Variants in CA10 observed in about 807,000 individuals in gnomAD.
CA10 encodes carbonic anhydrase 10 (inactive).
In CA10, 14 loss-of-function variants were observed where a neutral mutation model predicts 44.2. That is an observed-to-expected ratio of 0.32 (90% CI 0.21 to 0.50). The LOEUF (loss-of-function observed/expected upper bound fraction) is 0.50, where lower values mean the gene tolerates loss of function less well. Ranked by LOEUF, CA10 falls within the 20% of genes least tolerant of loss-of-function variation. The probability of loss-of-function intolerance (pLI) is 0.99; values close to 1 mark genes in which losing one functional copy is unlikely to be tolerated. For synonymous variants in CA10, 159 were observed against 141.6 expected, an observed-to-expected ratio of 1.12 and a Z score of -0.87; for missense variants, 350 against 409.7, an observed-to-expected ratio of 0.85 and a Z score of 1.26.
chr17:51,699,767 C>T (rs1410827868), intron 4 of CA10, among the ~76,000 whole-genome samples: 2 of 152,110 alleles, frequency 1.3e-5, no homozygotes, highest in Non-Finnish European at 1.5e-5. Flanking sequence ...AAAAATTCTC[C>T]CCAGCAGATG....
chr17:52,157,884 C>G lies in CA10; in HGVS notation c.-98G>C, dbSNP rs1989843243. The G allele has an allele frequency of 3.2e-6, 3 of 940,512 alleles. No homozygotes were observed. The Admixed American group carries it at 5.1e-5, about 16-fold the overall frequency. 58.3% of individuals were successfully genotyped at this position (940,512 alleles called of 1,614,324 possible). A position where few individuals can be genotyped will look rare whatever the true frequency, so the allele number is the denominator to read the frequency against. ...ACACATACACACTCGCACACACTTCCGAGCGAGTGCACACTCGCACTCCCA... is the reference window on the plus strand; with the variant it reads ...ACACATACACACTCGCACACACTTCGGAGCGAGTGCACACTCGCACTCCCA... On this transcript the variant is annotated 5_prime_UTR_variant, in exon 1 of 9. Coordinates refer to ENST00000451037, the MANE Select transcript of CA10 (RefSeq NM_020178.5).
chr17:51,916,772 A>G (rs542793566), intron 3 of CA10, among the ~76,000 whole-genome samples: 13 of 152,302 alleles, frequency 8.5e-5, no homozygotes, highest in African/African-American at 2.9e-4. Context: ...CATATAATCA[A>G]GCCTATGCTC....
intron 3 of CA10, among the ~76,000 whole-genome samples, chr17:51,791,421 G>A (rs1480698816): frequency 6.6e-6 from 1 of 152,180 alleles, no homozygotes; most frequent in Non-Finnish European, 1.5e-5. Flanking sequence ...AATGCAGAGT[G>A]CCTGGTGCAC....
At chr17:51,669,068 C>T (rs879863067) in intron 4 of CA10, among the ~76,000 whole-genome samples, 5 of 152,214 alleles carry the variant, frequency 3.3e-5, no homozygotes, top group Admixed American at 6.5e-5. Flanking sequence ...TCATCCCCGC[C>T]GTGGGCTCCC....
At chr17:51,906,888 C>G (rs1292917931) in intron 3 of CA10, among the ~76,000 whole-genome samples, 1 of 152,174 alleles carries the variant, frequency 6.6e-6, no homozygotes, top group Non-Finnish European at 1.5e-5. Flanking sequence ...CATCACTTAT[C>G]TGCACCTTGC....
At chr17:51,935,137 T>A (rs1362399803) in intron 2 of CA10, among the ~76,000 whole-genome samples, 2 of 152,126 alleles carry the variant, frequency 1.3e-5, no homozygotes, top group African/African-American at 4.8e-5. Context: ...TTCATAGTGT[T>A]ATCTTTCAGG....
chr17:51,710,843 C>T (rs1363906348), intron 4 of CA10, among the ~76,000 whole-genome samples: 1 of 150,430 alleles, frequency 6.6e-6, no homozygotes, highest in African/African-American at 2.4e-5. Context: ...TGGCTCTCTT[C>T]TGGCCTCCTG....
intron 2 of CA10, among the ~76,000 whole-genome samples, chr17:51,970,276 T>C (rs1426304675): frequency 2.0e-5 from 3 of 151,722 alleles, no homozygotes; most frequent in African/African-American, 2.4e-5. Flanking sequence ...TTTATGAGAG[T>C]GTGGATTAAA....
chr17:52,117,233 T>C (rs926887300), intron 1 of CA10, among the ~76,000 whole-genome samples: 1 of 152,208 alleles, frequency 6.6e-6, no homozygotes, highest in Admixed American at 6.5e-5. Flanking sequence ...TAATTTCTGA[T>C]GGCCTGGGAC....
At chr17:51,791,675 G>A (rs1318241315) in intron 3 of CA10, among the ~76,000 whole-genome samples, 1 of 152,146 alleles carries the variant, frequency 6.6e-6, no homozygotes, top group Non-Finnish European at 1.5e-5. Flanking sequence ...TCACTGTGGC[G>A]CCACCAACTC....
At position 51,662,126 on chromosome 17, in the gene CA10, G is replaced by A. The variant is rs538338407; in HGVS notation, c.466-8390C>T. ...GTTCTATACAGATAGGAAAATACAT[G>A]TTGAGAGAACCTAAGCATTAAGCTC... On this transcript the variant is annotated intron_variant, in intron 4 of 8. Transcript: ENST00000451037. 4.1e-4 allele frequency among the ~76,000 whole-genome samples: 63 copies of A among 152,326 alleles called. 1 individual carries two copies. The highest frequency in any genetic ancestry group is 8.1e-4 in the Non-Finnish European group (55 of 68,024).
chr17:52,153,376 C>T (rs1475520654), intron 1 of CA10, among the ~76,000 whole-genome samples: 1 of 152,058 alleles, frequency 6.6e-6, no homozygotes, highest in Non-Finnish European at 1.5e-5. Flanking sequence ...AAGCATATGT[C>T]GTTTGCCAGT....
chr17:52,059,667 A>T (rs1342783669), intron 2 of CA10, among the ~76,000 whole-genome samples: 2 of 115,616 alleles, frequency 1.7e-5, no homozygotes, highest in African/African-American at 5.4e-5. Flanking sequence ...AACTTAAAGT[A>T]TAATAAAAAA....
chr17:51,672,249 C>T (rs1305346379), intron 4 of CA10, among the ~76,000 whole-genome samples: 5 of 152,330 alleles, frequency 3.3e-5, no homozygotes, highest in African/African-American at 4.8e-5. Flanking sequence ...ACCACCACCA[C>T]GATGATGGCT....
intron 2 of CA10, among the ~76,000 whole-genome samples, chr17:51,998,806 G>A (rs906845455): frequency 3.3e-5 from 5 of 152,074 alleles, no homozygotes; most frequent in African/African-American, 1.2e-4. Flanking sequence ...TAATAATCCA[G>A]GGGTGTCAGG....
At chr17:51,650,913 G>A (rs946534350) in intron 5 of CA10, among the ~76,000 whole-genome samples, 1 of 152,190 alleles carries the variant, frequency 6.6e-6, no homozygotes, top group African/African-American at 2.4e-5. Context: ...GATAAAATAT[G>A]TACTTGGTAT....
chr17:51,845,316 A>G (rs1978443339), intron 3 of CA10, among the ~76,000 whole-genome samples: 1 of 152,184 alleles, frequency 6.6e-6, no homozygotes, highest in African/African-American at 2.4e-5. Flanking sequence ...TCTCTCTTGG[A>G]TCTCTCACTC....
At chr17:52,048,578 A>AG (rs1986977758) in intron 2 of CA10, among the ~76,000 whole-genome samples, 2 of 152,028 alleles carry the variant, frequency 1.3e-5, no homozygotes, top group Non-Finnish European at 2.9e-5. Flanking sequence ...GAGCCATGAA[A>AG]GGGGGTAATC....
chr17:51,648,735 C>T (rs988617218), intron 6 of CA10, among the ~76,000 whole-genome samples: 14 of 152,178 alleles, frequency 9.2e-5, no homozygotes, highest in East Asian at 1.9e-4. Context: ...AGATGCTATC[C>T]TGTCTCTGCC....
Sources: allele counts gnomAD v4.1 joint callset (sites outside exome capture counted in the v4.1 genomes callset), GRCh38; gene constraint gnomAD v4.1.1; transcripts MANE v1.5; gene names NCBI Gene and HGNC (gene_info 2026-07-23, HGNC 2026-07-21).